The following HMSD variants were observed in gnomAD, a reference collection of about 807,000 sequenced individuals.
HMSD encodes histocompatibility minor serpin domain containing, also known as serpin-like protein HMSD.
HMSD carries 13 observed loss-of-function variants against 10.0 expected under a neutral mutation model. The ratio of observed to expected loss-of-function variants is 1.31; its 90% CI spans 0.85 to 2.08. HMSD has a LOEUF of 2.08. Ranked by LOEUF, HMSD falls within the 30% of genes most tolerant of loss-of-function variation. The pLI, the probability that HMSD is intolerant of heterozygous loss-of-function variation, is 0.00. For missense variants in HMSD, 169 were observed against 166.3 expected (o/e 1.02, Z -0.09); for synonymous variants, 51 against 54.2 (o/e 0.94, Z 0.26).
chr18:63,954,680 A>G lies in HMSD; in HGVS notation c.222+123A>G, dbSNP rs1369269687. On this transcript the variant is annotated intron_variant, in intron 3 of 3. Coordinates refer to ENST00000408945, the MANE Select transcript of HMSD (RefSeq NM_001123366.2). ...TCAGAACTCCACGCACGAATCTCAC[A>G]CGCATCTTGTGATTCAGTTTGATCA... is the stretch of plus-strand genomic sequence containing the variant. The G allele has an allele frequency of 4.0e-6, 3 of 741,332 alleles. No individual in the cohort carries two copies. In the African/African-American group the frequency reaches 5.3e-5, roughly 13 times the overall value. The allele number at this position is 741,332 out of a possible 1,614,324, so 45.9% of individuals were successfully genotyped here. A position where few individuals can be genotyped will look rare whatever the true frequency, so the allele number is the denominator to read the frequency against.
intron 1 of HMSD, 91 bp from the exon 2 acceptor site, chr18:63,953,263 T>C (rs1211674492): frequency 1.9e-6 from 1 of 525,864 alleles, no homozygotes; most frequent in African/African-American, 1.9e-5. Flanking sequence ...TGAAAACAAG[T>C]ATCCATTTAA....
At chr18:63,965,146 G>A (rs150677890), downstream of HMSD, among the ~76,000 whole-genome samples, 2 of 152,316 alleles carry the variant, frequency 1.3e-5, no homozygotes, top group African/African-American at 4.8e-5. Flanking sequence ...AGTCCACAGT[G>A]TGGATCTAGC....
intron 3 of HMSD, 77 bp from the exon 4 acceptor site, chr18:63,960,081 T>C: frequency 7.7e-7 from 1 of 1,304,232 alleles, no homozygotes; most frequent in South Asian, 1.3e-5. Context: ...GATTTTCTGA[T>C]GTGGCACAAT....
chr18:63,954,575 A>C lies in HMSD; in HGVS notation c.222+18A>C, dbSNP rs761871788. The C allele has an allele frequency of 6.3e-7, 1 of 1,597,948 alleles. No homozygotes were observed. Among genetic ancestry groups the C allele is most frequent in the African/African-American group, 1.3e-5 (1 of 74,404 alleles). On this transcript the variant is annotated intron_variant, in intron 3 of 3. Transcript: ENST00000408945. The stretch of plus-strand genomic sequence containing the variant: ...TCCTCACAGTAAGTCATACTTGTTT[A>C]TTAGGAAAATAAAGATAGCAATGTG...
rs2050347850 is a variant in HMSD, at chr18:63,954,530, T to C, written c.195T>C (p.Phe65=). Residue 65 remains phenylalanine (F), a synonymous_variant, in exon 3 of 4, where the codon TTT becomes TTC. Transcript: ENST00000408945. ...EYVLRTANGL[F]GEKSYDFLTG... ...TGCTTAGAACTGCCAACGGGCTCTT[T>C]GGAGAAAAGTCTTATGATTTCCTCA... The C allele has an allele frequency of 6.2e-7, 1 of 1,612,522 alleles. No individual in the cohort carries two copies. Among genetic ancestry groups the C allele is most frequent in the East Asian group, 2.2e-5 (1 of 44,874 alleles).
At chr18:63,955,560 G>A (rs576012366) in intron 3 of HMSD, among the ~76,000 whole-genome samples, 1 of 152,262 alleles carries the variant, frequency 6.6e-6, no homozygotes, top group South Asian at 2.1e-4. Flanking sequence ...ACATTCTGCA[G>A]GGGGTATTTA....
rs979733804 is a variant in HMSD, at chr18:63,961,246, T to C, written c.*891T>C. On this transcript the variant is annotated 3_prime_UTR_variant, in exon 4 of 4. Coordinates refer to ENST00000408945, the MANE Select transcript of HMSD (RefSeq NM_001123366.2). Reference sequence around the variant, plus strand: ...AATGAGGATAATCAAATCATTTCAATATGAATTATGAAAATGAATGATAAT... The same window carrying C: ...AATGAGGATAATCAAATCATTTCAACATGAATTATGAAAATGAATGATAAT... 1 of 151,892 alleles carries C rather than the reference T, an allele frequency of 6.6e-6. No homozygotes were observed. The highest frequency in any genetic ancestry group is 2.4e-5 in the African/African-American group (1 of 41,362). 9.4% of individuals were successfully genotyped at this position (151,892 alleles called of 1,614,324 possible).
At chr18:63,966,246 C>A (rs2050409119), downstream of HMSD, among the ~76,000 whole-genome samples, 1 of 152,160 alleles carries the variant, frequency 6.6e-6, no homozygotes, top group Admixed American at 6.5e-5. Flanking sequence ...ACTCAGTAAT[C>A]TTTTGAATTT....
chr18:63,954,521 C>T lies in HMSD; in HGVS notation c.186C>T (p.Asn62=), dbSNP rs758046805. 8.1e-6 allele frequency: 13 copies of T among 1,612,404 alleles called. 1 individual carries two copies. Among genetic ancestry groups the T allele is most frequent in the South Asian group, 5.5e-5 (5 of 90,864 alleles). Residue 62 remains asparagine, a synonymous_variant, in exon 3 of 4, where the codon AAC becomes AAT. Transcript: ENST00000408945. ...CTGAATATGTGCTTAGAACTGCCAA[C>T]GGGCTCTTTGGAGAAAAGTCTTATG... ...TDTEYVLRTA[N]GLFGEKSYDF...
At chr18:63,952,608 TCTAA>T (rs1244696544) in intron 1 of HMSD, among the ~76,000 whole-genome samples, 2 of 152,206 alleles carry the variant, frequency 1.3e-5, no homozygotes, top group African/African-American at 4.8e-5. Flanking sequence ...TTTGACAGAA[TCTAA>T]CTGGTTCTCT....
chr18:63,967,322 C>T (rs368446614), intron 3 of HMSD, among the ~76,000 whole-genome samples: 14 of 152,184 alleles, frequency 9.2e-5, no homozygotes, highest in South Asian at 4.2e-4. Context: ...TTAGCAGAGA[C>T]GGGGTTTCAC....
At chr18:63,959,253 G>A (rs888862518) in intron 3 of HMSD, among the ~76,000 whole-genome samples, 1 of 152,124 alleles carries the variant, frequency 6.6e-6, no homozygotes, top group Non-Finnish European at 1.5e-5. Flanking sequence ...CTTCCACACT[G>A]TCTTCCAAAG....
intron 1 of HMSD, among the ~76,000 whole-genome samples, chr18:63,950,442 A>AAAAAAT (rs2050324024): frequency 6.8e-6 from 1 of 147,984 alleles, no homozygotes; most frequent in African/African-American, 2.5e-5. Flanking sequence ...AAAAAAAAAA[A>AAAAAAT]TGTAAGATGA....
chr18:63,966,392 G>T (rs767799563), downstream of HMSD: 3 of 152,174 alleles, frequency 2.0e-5, no homozygotes, highest in African/African-American at 4.8e-5. Flanking sequence ...TTAATTGTTT[G>T]AATAAAGAGA....
chr18:63,962,055 C>T (rs2050389266), downstream of HMSD, among the ~76,000 whole-genome samples: 1 of 152,174 alleles, frequency 6.6e-6, no homozygotes, highest in Non-Finnish European at 1.5e-5. Flanking sequence ...AAAGTGAGTT[C>T]CATTTAGAAT....
chr18:63,965,495 G>A (rs2050405863), downstream of HMSD, among the ~76,000 whole-genome samples: 1 of 152,204 alleles, frequency 6.6e-6, no homozygotes. Context: ...ATTCACTAAT[G>A]AGGGACTAAT....
At chr18:63,952,027 A>G (rs1015028705) in intron 1 of HMSD, among the ~76,000 whole-genome samples, 1 of 151,282 alleles carries the variant, frequency 6.6e-6, no homozygotes, top group Non-Finnish European at 1.5e-5. Context: ...TTCTCAGTAA[A>G]CTATCGCAAG....
chr18:63,949,453 C>T (rs2050317651), intron 1 of HMSD, 53 bp downstream of exon 1: 1 of 152,426 alleles, frequency 6.6e-6, no homozygotes. Context: ...TCGTTACCTG[C>T]TCTTGAGCCC....
intron 1 of HMSD, among the ~76,000 whole-genome samples, chr18:63,950,696 A>G (rs2050325772): frequency 7.0e-6 from 1 of 142,034 alleles, no homozygotes; most frequent in Non-Finnish European, 1.5e-5. Flanking sequence ...CATTTCAAGG[A>G]AAGGCATTTG....
Sources: allele counts gnomAD v4.1 joint callset (sites outside exome capture counted in the v4.1 genomes callset), GRCh38; gene constraint gnomAD v4.1.1; transcripts MANE v1.5; gene names NCBI Gene and HGNC (gene_info 2026-07-23, HGNC 2026-07-21).